The following RFPL1 variants were observed in gnomAD, a reference collection of about 807,000 sequenced individuals.
RFPL1 encodes the protein ret finger protein like 1.
In RFPL1, 6 loss-of-function variants were observed where a neutral mutation model predicts 9.6. The ratio of observed to expected loss-of-function variants is 0.62; its 90% CI spans 0.34 to 1.23. RFPL1 has a LOEUF of 1.23. RFPL1 is among the 50% of genes most tolerant of loss of function. The pLI is 0.03. For synonymous variants in RFPL1, 145 were observed against 149.4 expected (o/e 0.97, Z 0.22); for missense variants, 352 against 398.4 (o/e 0.88, Z 0.99).
At chr22:29,419,382 G>A in the RFPL1 span, 1 of 630,326 alleles carries the variant, frequency 1.6e-6, no homozygotes, top group Non-Finnish European at 2.9e-6. Context: ...TTGGCTGAGG[G>A]AAGCTTCAGG....
At chr22:29,423,241 C>T in the RFPL1 span, 2 of 1,248,476 alleles carry the variant, frequency 1.6e-6, no homozygotes, top group Non-Finnish European at 2.4e-6. Flanking sequence ...ATCCCATCTT[C>T]AGTTATGGTG....
At chr22:29,395,809 C>T in the RFPL1 span, among the ~76,000 whole-genome samples, 1 of 152,068 alleles carries the variant, frequency 6.6e-6, no homozygotes, top group South Asian at 2.1e-4. Context: ...CCTGTCTCTA[C>T]TAAAAACACA....
At chr22:29,431,333 A>C in the RFPL1 span, among the ~76,000 whole-genome samples, 140,270 of 152,268 alleles carry the variant, frequency 0.92, 64,899 homozygotes, top group African/African-American at 0.97. Flanking sequence ...ACCCTGGGTC[A>C]CCTTCTAAAA....
At chr22:29,431,156 C>T in the RFPL1 span, among the ~76,000 whole-genome samples, 4 of 151,972 alleles carry the variant, frequency 2.6e-5, no homozygotes, top group Non-Finnish European at 5.9e-5. Flanking sequence ...AGGGGAGAAC[C>T]TAATGGAGGA....
the RFPL1 span, among the ~76,000 whole-genome samples, chr22:29,421,582 G>C: frequency 6.7e-6 from 1 of 150,360 alleles, no homozygotes; most frequent in East Asian, 1.9e-4. Flanking sequence ...GGCTAGACTC[G>C]AACTCCTGGG....
the RFPL1 span, among the ~76,000 whole-genome samples, chr22:29,420,476 A>G: frequency 6.6e-6 from 1 of 151,756 alleles, no homozygotes; most frequent in East Asian, 1.9e-4. Flanking sequence ...GACTACAGGC[A>G]CGTGCCGTCA....
chr22:29,401,368 G>C, the RFPL1 span, among the ~76,000 whole-genome samples: 248 of 152,256 alleles, frequency 1.6e-3, no homozygotes, highest in Middle Eastern at 0.01. Context: ...TCACAGAATG[G>C]ACTTAGCCTA....
chr22:29,419,801 CAA>C, the RFPL1 span, among the ~76,000 whole-genome samples: 27 of 64,068 alleles, frequency 4.2e-4, no homozygotes, highest in Admixed American at 5.4e-4. Flanking sequence ...ATCCTCTCTC[CAA>C]AAAAAAAAAA....
At chr22:29,416,488 G>T in the RFPL1 span, among the ~76,000 whole-genome samples, 2 of 152,282 alleles carry the variant, frequency 1.3e-5, no homozygotes, top group Admixed American at 1.3e-4. Context: ...ACTTCCCAGG[G>T]CCTTTATAAC....
chr22:29,392,072 T>A, the RFPL1 span, among the ~76,000 whole-genome samples: 2 of 152,148 alleles, frequency 1.3e-5, no homozygotes, highest in East Asian at 1.9e-4. Context: ...AAGGTTTTTG[T>A]TGTTGTTGTT....
intron 1 of RFPL1, chr22:29,441,241 AGG>A (rs982546891): frequency 1.2e-5 from 5 of 407,598 alleles, no homozygotes; most frequent in African/African-American, 4.0e-5. Context: ...GGTGGTAGAA[AGG>A]GGGTCATGGT....
chr22:29,388,158 T>C, the RFPL1 span, among the ~76,000 whole-genome samples: 20 of 152,358 alleles, frequency 1.3e-4, no homozygotes, highest in African/African-American at 4.8e-4. Flanking sequence ...GGGGAATTCC[T>C]CGGGGCCTAA....
the RFPL1 span, among the ~76,000 whole-genome samples, chr22:29,395,496 G>A: frequency 6.6e-6 from 1 of 152,038 alleles, no homozygotes; most frequent in African/African-American, 2.4e-5. Context: ...AGCTTGCCAG[G>A]GATCCCAGCC....
At chr22:29,429,290 A>C in the RFPL1 span, among the ~76,000 whole-genome samples, 3 of 152,162 alleles carry the variant, frequency 2.0e-5, no homozygotes, top group Non-Finnish European at 4.4e-5. Flanking sequence ...TCCTGCTGCA[A>C]GCAATCCTCC....
the RFPL1 span, among the ~76,000 whole-genome samples, chr22:29,391,011 G>T: frequency 9.1e-4 from 138 of 151,884 alleles, no homozygotes; most frequent in African/African-American, 3.0e-3. Context: ...ACATGGTGGT[G>T]GGTGCCTGTA....
the RFPL1 span, among the ~76,000 whole-genome samples, chr22:29,413,188 A>G: frequency 2.0e-5 from 3 of 151,852 alleles, no homozygotes; most frequent in African/African-American, 7.3e-5. Context: ...GTGCCTCTTC[A>G]TGGTTAAATA....
chr22:29,402,279 C>T, the RFPL1 span, among the ~76,000 whole-genome samples: 2 of 152,214 alleles, frequency 1.3e-5, no homozygotes, highest in African/African-American at 4.8e-5. Flanking sequence ...TATACCACAG[C>T]TGGAACACTG....
At chr22:29,424,169 T>C in the RFPL1 span, among the ~76,000 whole-genome samples, 1 of 151,654 alleles carries the variant, frequency 6.6e-6, no homozygotes, top group Non-Finnish European at 1.5e-5. Context: ...GACAGAATCC[T>C]GCTTTGTCTC....
Position 29,438,983 on chromosome 22 carries a change from CA to C in RFPL1, c.194del (p.Asn65IlefsTer32). On this transcript the variant is annotated frameshift_variant, in exon 1 of 2. Coordinates refer to ENST00000354373, the Ensembl canonical transcript of RFPL1. LOFTEE classifies it high-confidence loss of function. ...GATGCGCTGTCTGCTTCAAGTGCAT[CA>C]ATTCACTGCAGAAGGAGCCCCATGG... The C allele has an allele frequency of 6.2e-7, 1 of 1,614,006 alleles. No individual in the cohort carries two copies.
Sources: gnomAD v4.1 joint callset for allele counts (sites outside exome capture counted in the v4.1 genomes callset) on GRCh38, gnomAD v4.1.1 for gene constraint, MANE v1.5 for transcripts, NCBI Gene and HGNC (gene_info 2026-07-23, HGNC 2026-07-21) for gene names.